The following ANKRD52 variants were observed in gnomAD, a reference collection of about 807,000 sequenced individuals.
ANKRD52 encodes the protein serine/threonine-protein phosphatase 6 regulatory ankyrin repeat subunit C.
Under a neutral mutation model 116.0 loss-of-function variants are expected in ANKRD52, and 7 were observed. The ratio of observed to expected loss-of-function variants is 0.06; its 90% CI spans 0.03 to 0.11. The LOEUF (loss-of-function observed/expected upper bound fraction) is 0.11, where lower values mean the gene tolerates loss of function less well. Ranked by LOEUF, ANKRD52 falls within the 10% of genes least tolerant of loss-of-function variation. The probability of loss-of-function intolerance (pLI) is 1.00; values close to 1 mark genes in which losing one functional copy is unlikely to be tolerated. For synonymous variants in ANKRD52, 528 were observed against 578.1 expected (o/e 0.91, Z 1.24); for missense variants, 839 against 1,408.6 (o/e 0.60, Z 6.47).
chr12:56,254,219 C>A lies in ANKRD52; in HGVS notation c.754G>T (p.Asp252Tyr). ...ALHIACYLGQ[D>Y]AVAIELVNAG... ...TTCACCAGCTCAATAGCCACAGCAT[C>A]CTGGCCCAGGTAGCAGGCGATGTGC... The change falls in exon 8 of 28, where the codon GAT becomes TAT. Residue 252 changes from aspartate (D) to tyrosine (Y), a missense_variant. Asp to Tyr is a radical substitution (Grantham distance 160). Coordinates refer to ENST00000267116, the MANE Select transcript of ANKRD52 (RefSeq NM_173595.4). The surrounding 1 kb of genome is among the most constrained non-coding windows in gnomAD (Gnocchi z 4.6). The A allele has an allele frequency of 6.2e-7, 1 of 1,613,966 alleles. No homozygotes were observed.
In ANKRD52 at chr12:56,252,690, G is replaced by C. The variant is rs1417067633; in HGVS notation, c.1301+90C>G. 4 of 1,535,604 alleles carry C rather than the reference G, an allele frequency of 2.6e-6. No homozygotes were observed. The African/African-American group carries it at 4.1e-5, about 16-fold the overall frequency. ...TGCTGTGACTGCTTTCATTGTGAGAGGGGGAATAGATCTGGGCAGGCAAGA... is the reference window on the plus strand; with the variant it reads ...TGCTGTGACTGCTTTCATTGTGAGACGGGGAATAGATCTGGGCAGGCAAGA... On this transcript the variant is annotated intron_variant, in intron 12 of 27. Coordinates refer to ENST00000267116, the MANE Select transcript of ANKRD52 (RefSeq NM_173595.4). This position sits in a 1 kb window ranked among gnomAD's most constrained non-coding sequence, Gnocchi z 4.7.
rs1482351330 is a variant in ANKRD52, at chr12:56,248,864, C to T, written c.1599G>A (p.Leu533=). Reference sequence around the variant, plus strand: ...CTGCACCGTTATCCAGTAAGAACTCCAGACAGCTGGGGAGCCGGGGGTAGA... The same window carrying T: ...CTGCACCGTTATCCAGTAAGAACTCTAGACAGCTGGGGAGCCGGGGGTAGA... ...ESRRKEAFFC[L]EFLLDNGADP... Residue 533 remains leucine, a synonymous_variant, in exon 16 of 28, where the codon CTG becomes CTA. Coordinates refer to ENST00000267116, the MANE Select transcript of ANKRD52 (RefSeq NM_173595.4). This position sits in a 1 kb window ranked among gnomAD's most constrained non-coding sequence, Gnocchi z 5.1. 1 of 1,598,316 alleles carries T rather than the reference C, an allele frequency of 6.3e-7. No individual in the cohort carries two copies. The highest frequency in any genetic ancestry group is 8.5e-7 in the Non-Finnish European group (1 of 1,172,234).
At chr12:56,246,966 ATAAT>A (rs1465913670) in intron 20 of ANKRD52, among the ~76,000 whole-genome samples, 1 of 144,454 alleles carries the variant, frequency 6.9e-6, no homozygotes, top group South Asian at 2.1e-4. Context: ...AATAATAATA[ATAAT>A]AATAAACAAA....
chr12:56,247,360 AAAAAG>A, intron 20 of ANKRD52, 128 bp downstream of exon 20: 28 of 767,526 alleles, frequency 3.6e-5, no homozygotes, highest in Non-Finnish European at 5.1e-5. Flanking sequence ...AAAAAAAAAA[AAAAAG>A]AAAAAGAAAA....
rs776974867 is a variant in ANKRD52 at position 56,254,834 on chromosome 12, A to G, written c.550+31T>C. On this transcript the variant is annotated intron_variant, in intron 6 of 27. Transcript: ENST00000267116. This position sits in a 1 kb window ranked among gnomAD's most constrained non-coding sequence, Gnocchi z 4.6. ...CTGCCCTAGGAATCCTAAATGTCAAATTTCTGATTTTCCCGTGTATTCTCT... is the reference window on the plus strand; with the variant it reads ...CTGCCCTAGGAATCCTAAATGTCAAGTTTCTGATTTTCCCGTGTATTCTCT... 1 of 1,607,140 alleles carries G rather than the reference A, an allele frequency of 6.2e-7. No homozygotes were observed. Among genetic ancestry groups the G allele is most frequent in the Non-Finnish European group, 8.5e-7 (1 of 1,173,986 alleles).
intron 1 of ANKRD52, 122 bp from the exon 2 acceptor site, chr12:56,258,033 G>T: frequency 7.7e-7 from 1 of 1,300,800 alleles, no homozygotes; most frequent in Non-Finnish European, 1.1e-6. Flanking sequence ...CCACTCTAGG[G>T]ATTCTGGCTG....
Position 56,244,611 on chromosome 12 carries a change from C to G in ANKRD52, c.2722+41G>C. 1 of 1,611,498 alleles carries G rather than the reference C, an allele frequency of 6.2e-7. No homozygotes were observed. The highest frequency in any genetic ancestry group is 1.3e-5 in the African/African-American group (1 of 74,982). ...CAGGGCTGACCCATCCTGCAAATGC[C>G]CCAGGGGAGCTCCTCCCTTCCACAA... is the stretch of plus-strand genomic sequence containing the variant. On this transcript the variant is annotated intron_variant, in intron 24 of 27. Coordinates refer to ENST00000267116, the MANE Select transcript of ANKRD52 (RefSeq NM_173595.4). The surrounding 1 kb of genome is among the most constrained non-coding windows in gnomAD (Gnocchi z 4.9).
Position 56,257,287 on chromosome 12 carries a change from C to T in ANKRD52, c.186G>A (p.Met62Ile). 6.3e-7 allele frequency: 1 copy of T among 1,593,894 alleles called. No individual in the cohort carries two copies. Among genetic ancestry groups the T allele is most frequent in the Non-Finnish European group, 8.5e-7 (1 of 1,170,116 alleles). ...CTTCCAGCTCCCCACTTTCACCTGACATCAGTAGCAACTGGAGGATGGGGA... is the reference window on the plus strand; with the variant it reads ...CTTCCAGCTCCCCACTTTCACCTGATATCAGTAGCAACTGGAGGATGGGGA... ...GDVPILQLLL[M>I]SGANVNAKDT... is the part of the protein sequence containing the mutation. Residue 62 changes from methionine (M) to isoleucine (I), a missense_variant, in exon 3 of 28, where the codon ATG becomes ATA. Transcript: ENST00000267116.
intron 1 of ANKRD52, among the ~76,000 whole-genome samples, 162 bp downstream of exon 1, chr12:56,258,081 C>T (rs1201037211): frequency 6.6e-6 from 1 of 152,096 alleles, no homozygotes; most frequent in Non-Finnish European, 1.5e-5. Flanking sequence ...GTTGCCAGGT[C>T]CCCAAGGACA....
At chr12:56,257,771 G>T (rs1000937845) in intron 2 of ANKRD52, 57 bp downstream of exon 2, 1 of 1,561,214 alleles carries the variant, frequency 6.4e-7, no homozygotes, top group Non-Finnish European at 8.8e-7. Flanking sequence ...GTGGGGAGGG[G>T]TCCAGAACAC....
chr12:56,251,916 C>T (rs1419263729), intron 15 of ANKRD52, 99 bp downstream of exon 15: 4 of 1,303,710 alleles, frequency 3.1e-6, no homozygotes, highest in Non-Finnish European at 4.3e-6. Flanking sequence ...AGGACAGCAG[C>T]AGTATAGGGT....
At position 56,255,488 on chromosome 12, in the gene ANKRD52, C is replaced by T. The variant is rs1188045948; in HGVS notation, c.462+296G>A. Among the ~76,000 whole-genome samples, 1 of 152,232 alleles carries T rather than the reference C, an allele frequency of 6.6e-6. No homozygotes were observed. The highest frequency in any genetic ancestry group is 1.5e-5 in the Non-Finnish European group (1 of 68,044). On this transcript the variant is annotated intron_variant, in intron 5 of 27. Transcript: ENST00000267116. This position sits in a 1 kb window ranked among gnomAD's most constrained non-coding sequence, Gnocchi z 4.3. ...TACAGGCGTGAGCCGCCGTGCCCGG[C>T]CGGTTCTTAAACTCTTGTAAGTCTT...
In ANKRD52 at chr12:56,241,857, A is replaced by C. The variant is rs1014034684; in HGVS notation, c.*1285T>G. The stretch of plus-strand genomic sequence containing the variant: ...AGCCCAGTTTGGCTTTTGGGGTGCG[A>C]CTTTAGAAATCTTATCAGTGCAGCC... On this transcript the variant is annotated 3_prime_UTR_variant, in exon 28 of 28. Transcript: ENST00000267116. The C allele has an allele frequency of 1.0e-5, 4 of 397,372 alleles. No individual in the cohort carries two copies. The highest frequency in any genetic ancestry group is 1.8e-5 in the Non-Finnish European group (4 of 225,942). 24.6% of individuals were successfully genotyped at this position (397,372 alleles called of 1,614,324 possible).
chr12:56,248,866 G>T lies in ANKRD52; in HGVS notation c.1597C>A (p.Leu533Met). ...ESRRKEAFFC[L>M]EFLLDNGADP... is the part of the protein sequence containing the mutation. ...GCACCGTTATCCAGTAAGAACTCCA[G>T]ACAGCTGGGGAGCCGGGGGTAGACT... The change falls in exon 16 of 28, where the codon CTG becomes ATG. Residue 533 changes from leucine (L) to methionine (M), a missense_variant. By Grantham distance (15) the Leu-to-Met change is conservative. Coordinates refer to ENST00000267116, the MANE Select transcript of ANKRD52 (RefSeq NM_173595.4). The surrounding 1 kb of genome is among the most constrained non-coding windows in gnomAD (Gnocchi z 5.1). The T allele has an allele frequency of 6.3e-7, 1 of 1,594,290 alleles. No individual in the cohort carries two copies. Among genetic ancestry groups the T allele is most frequent in the Non-Finnish European group, 8.5e-7 (1 of 1,169,988 alleles).
rs913335704 is a variant in ANKRD52, at chr12:56,244,420, C to T, written c.2738G>A (p.Arg913Gln). The T allele has an allele frequency of 3.7e-6, 6 of 1,613,842 alleles. No homozygotes were observed. Among genetic ancestry groups the T allele is most frequent in the Middle Eastern group, 1.6e-4 (1 of 6,082 alleles). Residue 913 changes from arginine (R) to glutamine (Q), a missense_variant, in exon 25 of 28, where the codon CGA (arginine) becomes CAA (glutamine). Coordinates refer to ENST00000267116, the MANE Select transcript of ANKRD52 (RefSeq NM_173595.4). This position sits in a 1 kb window ranked among gnomAD's most constrained non-coding sequence, Gnocchi z 4.9. ...CAACACAGTAAGGTCTGCCTTCCCT[C>T]GATACAGCAGAAATTCTACGAGAGA... ...QTAAVEFLLY[R>Q]GKADLTVLDE...
In ANKRD52 at chr12:56,245,471, C is replaced by T. The variant is rs1010905299; in HGVS notation, c.2310G>A (p.Leu770=). The T allele has an allele frequency of 2.5e-6, 4 of 1,611,528 alleles. No homozygotes were observed. In the African/African-American group the frequency reaches 4.0e-5, roughly 16 times the overall value. ...AAAGGGCAGCCTGCAGCAGGGTCCG[C>T]AGTACTGCAGTGTGGCCACAGGCTG... ...LASACGHTAV[L]RTLLQAALST... The change falls in exon 21 of 28, where the codon CTG becomes CTA. Residue 770 remains leucine (L), a synonymous_variant. Transcript: ENST00000267116.
At position 56,252,484 on chromosome 12, in the gene ANKRD52, C is replaced by T. The variant is rs373791971; in HGVS notation, c.1370+18G>A. On this transcript the variant is annotated intron_variant, in intron 13 of 27. Coordinates refer to ENST00000267116, the MANE Select transcript of ANKRD52 (RefSeq NM_173595.4). This position sits in a 1 kb window ranked among gnomAD's most constrained non-coding sequence, Gnocchi z 4.7. ...CTAATCAGATATTCCCTATGTTTAC[C>T]CCTGCATATTAGCATACCTGCCAAA... The T allele has an allele frequency of 2.5e-6, 4 of 1,610,672 alleles. No homozygotes were observed. Among genetic ancestry groups the T allele is most frequent in the Non-Finnish European group, 3.4e-6 (4 of 1,176,910 alleles).
At chr12:56,251,790 C>T (rs1871706215) in intron 15 of ANKRD52, among the ~76,000 whole-genome samples, 1 of 149,428 alleles carries the variant, frequency 6.7e-6, no homozygotes, top group Admixed American at 6.7e-5. Context: ...AACTATGTCT[C>T]ATACTTTTGG....
rs767151609 is a variant in ANKRD52 at position 56,245,468 on chromosome 12, C to G, written c.2313G>C (p.Arg771=). The G allele has an allele frequency of 5.0e-6, 8 of 1,612,630 alleles. No individual in the cohort carries two copies. Among genetic ancestry groups the G allele is most frequent in the Non-Finnish European group, 6.8e-6 (8 of 1,179,470 alleles). Residue 771 remains arginine (R), a synonymous_variant, in exon 21 of 28, where the codon CGG becomes CGC. Coordinates refer to ENST00000267116, the MANE Select transcript of ANKRD52 (RefSeq NM_173595.4). ...ASACGHTAVL[R]TLLQAALSTD... Reference sequence around the variant, plus strand: ...TGGAAAGGGCAGCCTGCAGCAGGGTCCGCAGTACTGCAGTGTGGCCACAGG... The same window carrying G: ...TGGAAAGGGCAGCCTGCAGCAGGGTGCGCAGTACTGCAGTGTGGCCACAGG...
Sources: gnomAD v4.1 joint callset for allele counts (sites outside exome capture counted in the v4.1 genomes callset) on GRCh38, gnomAD v4.1.1 for gene constraint, Gnocchi (gnomAD v3.1) non-coding constraint, MANE v1.5 for transcripts, NCBI Gene and HGNC (gene_info 2026-07-23, HGNC 2026-07-21) for gene names.